Variants in NRXN3 observed in about 807,000 individuals in gnomAD.
NRXN3 encodes the protein neurexin 3, also known as neurexin III.
NRXN3 carries 32 observed loss-of-function variants against 137.6 expected under a neutral mutation model. That is an observed-to-expected ratio of 0.23 (90% CI 0.18 to 0.31). The LOEUF (loss-of-function observed/expected upper bound fraction) is 0.31. NRXN3 is among the 10% of genes least tolerant of loss of function. NRXN3 has a pLI of 1.00. For missense variants in NRXN3, 1,574 were observed against 2,062.5 expected (o/e 0.76, Z 4.59); for synonymous variants, 798 against 784.5 (o/e 1.02, Z -0.29).
intron 15 of NRXN3, among the ~76,000 whole-genome samples, chr14:79,027,465 G>A (rs1194077929): frequency 6.6e-6 from 1 of 152,130 alleles, no homozygotes; most frequent in Admixed American, 6.6e-5. Flanking sequence ...ATGCAGAATT[G>A]GATCTAGAAT....
chr14:79,554,152 A>T (rs1388384413), intron 16 of NRXN3, among the ~76,000 whole-genome samples: 1 of 152,066 alleles, frequency 6.6e-6, no homozygotes. Context: ...CAAAAAGAAA[A>T]CTCCAAATAA....
At chr14:79,787,569 C>T (rs2099133006) in intron 19 of NRXN3, among the ~76,000 whole-genome samples, 1 of 152,146 alleles carries the variant, frequency 6.6e-6, no homozygotes, top group African/African-American at 2.4e-5. Flanking sequence ...CTTTCTCAGC[C>T]TCTGATAACC....
chr14:79,438,770 G>A (rs962146106), intron 15 of NRXN3, among the ~76,000 whole-genome samples: 1 of 152,198 alleles, frequency 6.6e-6, no homozygotes, highest in African/African-American at 2.4e-5. Context: ...TTTTGGAAAA[G>A]ACTTTGTTTA....
intron 17 of NRXN3, among the ~76,000 whole-genome samples, chr14:79,670,638 C>G (rs1201387671): frequency 6.6e-6 from 1 of 152,104 alleles, no homozygotes; most frequent in Admixed American, 6.6e-5. Flanking sequence ...TATGCTCTGA[C>G]AGCATGGCTA....
chr14:79,333,078 G>A (rs971858789), intron 15 of NRXN3, among the ~76,000 whole-genome samples: 3 of 151,980 alleles, frequency 2.0e-5, no homozygotes, highest in East Asian at 1.9e-4. Context: ...ACCATGCAGC[G>A]CTTTCATTCT....
At chr14:79,378,468 G>A (rs772845701) in intron 15 of NRXN3, among the ~76,000 whole-genome samples, 2 of 152,304 alleles carry the variant, frequency 1.3e-5, no homozygotes, top group Non-Finnish European at 2.9e-5. Flanking sequence ...TTGTTCAGAT[G>A]TAAGAGCATC....
chr14:78,827,776 C>T (rs940813831), intron 10 of NRXN3, among the ~76,000 whole-genome samples: 1 of 152,222 alleles, frequency 6.6e-6, no homozygotes, highest in African/African-American at 2.4e-5. Flanking sequence ...GGCCAGGCCT[C>T]ACTCAAAACA....
At chr14:78,569,447 A>C (rs377129376) in intron 4 of NRXN3, among the ~76,000 whole-genome samples, 3 of 150,964 alleles carry the variant, frequency 2.0e-5, no homozygotes, top group African/African-American at 7.3e-5. Flanking sequence ...TTGTATTTTT[A>C]GTAGAGACGG....
At chr14:78,475,947 G>T (rs2095370460) in intron 4 of NRXN3, among the ~76,000 whole-genome samples, 1 of 152,132 alleles carries the variant, frequency 6.6e-6, no homozygotes, top group Non-Finnish European at 1.5e-5. Flanking sequence ...TTTAGCAAAA[G>T]ATATAGATAA....
At chr14:79,227,366 T>G (rs1371210448) in intron 15 of NRXN3, among the ~76,000 whole-genome samples, 1 of 151,988 alleles carries the variant, frequency 6.6e-6, no homozygotes, top group Non-Finnish European at 1.5e-5. Context: ...TACTTTGTCA[T>G]GTGTACACTT....
intron 4 of NRXN3, among the ~76,000 whole-genome samples, chr14:78,430,568 T>C (rs2093839471): frequency 6.6e-6 from 1 of 152,190 alleles, no homozygotes; most frequent in South Asian, 2.1e-4. Flanking sequence ...CTTCTCATCT[T>C]GTTTCCTCAG....
At chr14:79,848,606 T>TA (rs978379543) in intron 20 of NRXN3, among the ~76,000 whole-genome samples, 1 of 152,046 alleles carries the variant, frequency 6.6e-6, no homozygotes, top group Non-Finnish European at 1.5e-5. Flanking sequence ...TTTTACAACA[T>TA]AAAAAAATCA....
rs541437294 is a variant in NRXN3 at position 79,853,259 on chromosome 14, A to G, written c.4094-8083A>G. Among the ~76,000 whole-genome samples the G allele has an allele frequency of 7.5e-4, 115 of 152,334 alleles. 1 individual carries two copies. The highest frequency in any genetic ancestry group is 1.2e-3 in the Non-Finnish European group (85 of 68,026). On this transcript the variant is annotated intron_variant, in intron 20 of 20. Transcript: ENST00000335750. ...GCTGCCGATGAAGTTGTTCAACTTGAATGCATAAATCTAGTCTTCTTGTTT... is the reference window on the plus strand; with the variant it reads ...GCTGCCGATGAAGTTGTTCAACTTGGATGCATAAATCTAGTCTTCTTGTTT...
chr14:78,515,702 C>T (rs1567814012), intron 4 of NRXN3, among the ~76,000 whole-genome samples: 1 of 151,732 alleles, frequency 6.6e-6, no homozygotes, highest in Non-Finnish European at 1.5e-5. Context: ...CCACTGGGGC[C>T]GAGATGACGA....
At chr14:79,279,965 C>T (rs890183279) in intron 15 of NRXN3, 10 of 1,145,858 alleles carry the variant, frequency 8.7e-6, no homozygotes, top group Non-Finnish European at 1.1e-5. Flanking sequence ...CCTAGAGATC[C>T]GGAGGAAGCC....
chr14:78,875,398 C>T (rs546459521), intron 10 of NRXN3, among the ~76,000 whole-genome samples: 1 of 152,100 alleles, frequency 6.6e-6, no homozygotes, highest in Non-Finnish European at 1.5e-5. Context: ...GATAAAGTGG[C>T]CTTTGGGATG....
At chr14:79,654,057 C>G (rs1300684782) in intron 16 of NRXN3, among the ~76,000 whole-genome samples, 1 of 152,164 alleles carries the variant, frequency 6.6e-6, no homozygotes, top group Non-Finnish European at 1.5e-5. Flanking sequence ...CTTGGCTATT[C>G]CAGCCAGTTC....
intron 10 of NRXN3, among the ~76,000 whole-genome samples, chr14:78,930,962 T>C (rs2099320059): frequency 6.6e-6 from 1 of 152,194 alleles, no homozygotes; most frequent in Non-Finnish European, 1.5e-5. Context: ...CATACACACA[T>C]AATTTGAATA....
chr14:79,704,099 C>G (rs1366294344), intron 19 of NRXN3, among the ~76,000 whole-genome samples: 1 of 152,156 alleles, frequency 6.6e-6, no homozygotes, highest in Non-Finnish European at 1.5e-5. Context: ...CAGGCTCTTT[C>G]ATATTCTGGA....
Sources: allele counts gnomAD v4.1 joint callset (sites outside exome capture counted in the v4.1 genomes callset), GRCh38; gene constraint gnomAD v4.1.1; transcripts MANE v1.5; gene names NCBI Gene and HGNC (gene_info 2026-07-23, HGNC 2026-07-21).